The following TENM3 variants were observed in gnomAD, a reference collection of about 807,000 sequenced individuals.
TENM3 encodes the protein teneurin-3.
TENM3 carries 63 observed loss-of-function variants against 255.1 expected under a neutral mutation model. That is an observed-to-expected ratio of 0.25 (90% confidence interval 0.20 to 0.30). The LOEUF (loss-of-function observed/expected upper bound fraction) is 0.30. TENM3 is among the 10% of genes least tolerant of loss of function. The pLI is 1.00. For synonymous variants in TENM3, 1,306 were observed against 1,322.3 expected (o/e 0.99, Z 0.27); for missense variants, 2,929 against 3,461.1 (o/e 0.85, Z 3.86).
chr4:182,680,408 A>T, intron 9 of TENM3, 59 bp downstream of exon 9: 1 of 1,296,618 alleles, frequency 7.7e-7, no homozygotes, highest in Non-Finnish European at 1.1e-6. Flanking sequence ...AACACAAGTG[A>T]TTCCAAAAAC....
chr4:181,601,158 C>T, the TENM3 span, among the ~76,000 whole-genome samples: 1 of 152,164 alleles, frequency 6.6e-6, no homozygotes, highest in Non-Finnish European at 1.5e-5. Flanking sequence ...CCAATGACCA[C>T]AAACTGGGTG....
intron 1 of TENM3, among the ~76,000 whole-genome samples, chr4:182,205,200 C>T (rs966884037): frequency 1.3e-5 from 2 of 152,234 alleles, no homozygotes; most frequent in Non-Finnish European, 2.9e-5. Context: ...TCTTCCACCC[C>T]GTGTCTATCA....
the TENM3 span, among the ~76,000 whole-genome samples, chr4:182,049,135 CTCTT>C: frequency 2.0e-5 from 3 of 152,142 alleles, no homozygotes; most frequent in African/African-American, 7.2e-5. Flanking sequence ...CTGTGTGTGT[CTCTT>C]TCTATGTCCA....
chr4:182,465,425 T>A (rs911210859), intron 3 of TENM3, among the ~76,000 whole-genome samples: 2 of 152,118 alleles, frequency 1.3e-5, no homozygotes, highest in Non-Finnish European at 2.9e-5. Flanking sequence ...CGGCTGTGTC[T>A]GAATGAGGAA....
the TENM3 span, among the ~76,000 whole-genome samples, chr4:181,919,091 G>C: frequency 5.9e-5 from 9 of 152,288 alleles, no homozygotes; most frequent in South Asian, 1.9e-3. Context: ...GACCCAGTGC[G>C]AGAGGATAAG....
At chr4:182,443,382 T>C (rs1242384001) in intron 3 of TENM3, among the ~76,000 whole-genome samples, 1 of 152,148 alleles carries the variant, frequency 6.6e-6, no homozygotes, top group Non-Finnish European at 1.5e-5. Flanking sequence ...TCATGGAGGT[T>C]ACTGATAAAA....
At chr4:182,063,696 T>C in the TENM3 span, among the ~76,000 whole-genome samples, 3 of 152,230 alleles carry the variant, frequency 2.0e-5, no homozygotes, top group Non-Finnish European at 4.4e-5. Flanking sequence ...AGCAAGATAT[T>C]GTGCTAGACA....
intron 3 of TENM3, among the ~76,000 whole-genome samples, chr4:182,420,720 G>T (rs1304039539): frequency 6.6e-6 from 1 of 152,202 alleles, no homozygotes; most frequent in Non-Finnish European, 1.5e-5. Flanking sequence ...GAGGATTGAT[G>T]AATGGATATA....
intron 1 of TENM3, among the ~76,000 whole-genome samples, chr4:182,219,526 G>A (rs894715150): frequency 4.6e-5 from 7 of 152,078 alleles, no homozygotes; most frequent in South Asian, 4.2e-4. Flanking sequence ...TTAGCCAGGC[G>A]TAGTGTTGCA....
intron 3 of TENM3, among the ~76,000 whole-genome samples, chr4:182,447,620 C>T (rs186903513): frequency 4.6e-5 from 7 of 152,242 alleles, no homozygotes; most frequent in Middle Eastern, 3.4e-3. Flanking sequence ...ACTGATCCTT[C>T]CTTTCTTAAA....
chr4:182,698,002 T>C (rs1308094048), intron 12 of TENM3: 1 of 152,162 alleles, frequency 6.6e-6, no homozygotes, highest in Admixed American at 6.5e-5. Context: ...TATTTGCTTG[T>C]CTTTACATAC....
the TENM3 span, among the ~76,000 whole-genome samples, chr4:181,872,825 C>T: frequency 6.6e-6 from 1 of 152,166 alleles, no homozygotes; most frequent in East Asian, 1.9e-4. Flanking sequence ...TTGTCCTCAG[C>T]TCCTCTAACA....
chr4:182,496,434 T>C (rs1333265654), intron 3 of TENM3, among the ~76,000 whole-genome samples: 1 of 152,190 alleles, frequency 6.6e-6, no homozygotes. Context: ...GAACGGCATT[T>C]CCCTGTTCTG....
At chr4:182,510,576 A>G (rs1288046620) in intron 3 of TENM3, among the ~76,000 whole-genome samples, 1 of 152,196 alleles carries the variant, frequency 6.6e-6, no homozygotes, top group African/African-American at 2.4e-5. Context: ...GCATTTAATT[A>G]TATTATGGAT....
chr4:182,252,260 A>G (rs945308501), intron 1 of TENM3, among the ~76,000 whole-genome samples: 39 of 152,032 alleles, frequency 2.6e-4, no homozygotes, highest in Non-Finnish European at 5.7e-4. Flanking sequence ...TTAATTATTT[A>G]AGTATACACA....
intron 3 of TENM3, among the ~76,000 whole-genome samples, chr4:182,530,030 A>G (rs1171048808): frequency 1.3e-5 from 2 of 152,202 alleles, no homozygotes; most frequent in Non-Finnish European, 2.9e-5. Context: ...TTACTTTTTG[A>G]AATAACTGGG....
In TENM3 at chr4:182,737,064, C is replaced by A; in HGVS notation, c.3224C>A (p.Ser1075Tyr). 3 of 1,612,768 alleles carry A rather than the reference C, an allele frequency of 1.9e-6. No homozygotes were observed. The highest frequency in any genetic ancestry group is 2.5e-6 in the Non-Finnish European group (3 of 1,179,330). ...TATAATCAGAAAGTCTATGGTCTAT[C>A]TGAAGCTGTTGGTAAGTTCCATATA... Reference protein sequence around the residue: ...DAYNQKVYGLSEAVVSVGYEY... With the variant: ...DAYNQKVYGLYEAVVSVGYEY... Residue 1075 changes from serine to tyrosine, a missense_variant, in exon 17 of 28, where the codon TCT becomes TAT. Coordinates refer to ENST00000511685, the MANE Select transcript of TENM3 (RefSeq NM_001080477.4).
At chr4:182,698,922 A>G (rs952002483) in intron 12 of TENM3, among the ~76,000 whole-genome samples, 6 of 152,362 alleles carry the variant, frequency 3.9e-5, no homozygotes, top group Admixed American at 2.6e-4. Context: ...CTGAGACTCA[A>G]TTCTGAGTGT....
the TENM3 span, among the ~76,000 whole-genome samples, chr4:182,017,803 T>C: frequency 6.9e-3 from 1,044 of 152,338 alleles, 7 homozygotes; most frequent in South Asian, 0.013. Flanking sequence ...TGGAACTTCC[T>C]ATGAGCCCAT....
Sources: gnomAD v4.1 joint callset for allele counts (sites outside exome capture counted in the v4.1 genomes callset) on GRCh38, gnomAD v4.1.1 for gene constraint, MANE v1.5 for transcripts, NCBI Gene and HGNC (gene_info 2026-07-23, HGNC 2026-07-21) for gene names.